The following CSGALNACT1 variants were observed in gnomAD, a reference collection of about 807,000 sequenced individuals.
CSGALNACT1 encodes the protein beta4GalNAcT-1.
In CSGALNACT1, 52 loss-of-function variants were observed where a neutral mutation model predicts 51.0. The observed-to-expected ratio is 1.02, with a 90% confidence interval of 0.82 to 1.29. The LOEUF is 1.29. Ranked by LOEUF, CSGALNACT1 falls within the 50% of genes most tolerant of loss-of-function variation. The pLI is 0.00. For synonymous variants in CSGALNACT1, 341 were observed against 254.4 expected, an observed-to-expected ratio of 1.34 and a Z score of -3.24; for missense variants, 935 against 679.2, an observed-to-expected ratio of 1.38 and a Z score of -4.19.
chr8:19,697,287 T>C (rs562290080), intron 1 of CSGALNACT1, among the ~76,000 whole-genome samples: 2 of 152,242 alleles, frequency 1.3e-5, no homozygotes, highest in Non-Finnish European at 2.9e-5. Flanking sequence ...ATGGTCTTAC[T>C]GACCCTGAAC....
chr8:19,561,241 G>C (rs2040640991), intron 3 of CSGALNACT1, among the ~76,000 whole-genome samples: 2 of 152,006 alleles, frequency 1.3e-5, no homozygotes, highest in Non-Finnish European at 2.9e-5. Flanking sequence ...TGTTATATAG[G>C]TATCTACTTT....
chr8:19,718,259 AATTTTTGT>A (rs1365044525), intron 1 of CSGALNACT1, among the ~76,000 whole-genome samples: 10 of 151,890 alleles, frequency 6.6e-5, no homozygotes, highest in Non-Finnish European at 1.3e-4. Context: ...ACACCCCTCT[AATTTTTGT>A]ATTTTTGTAT....
chr8:19,678,269 C>T (rs1044527890), intron 1 of CSGALNACT1, among the ~76,000 whole-genome samples: 2 of 152,200 alleles, frequency 1.3e-5, no homozygotes, highest in Admixed American at 6.5e-5. Flanking sequence ...AGTATCCAGA[C>T]ATCTCTGCAT....
chr8:19,644,984 T>A (rs1256428092), intron 1 of CSGALNACT1, among the ~76,000 whole-genome samples: 2 of 152,052 alleles, frequency 1.3e-5, no homozygotes, highest in Non-Finnish European at 2.9e-5. Flanking sequence ...AGAAACAAAT[T>A]TAAGAGTAAA....
intron 1 of CSGALNACT1, among the ~76,000 whole-genome samples, chr8:19,714,643 A>G (rs1019050514): frequency 1.3e-5 from 2 of 151,960 alleles, no homozygotes; most frequent in African/African-American, 2.4e-5. Flanking sequence ...TACCTTTTCT[A>G]TTAGAGCCTT....
intron 1 of CSGALNACT1, among the ~76,000 whole-genome samples, chr8:19,657,409 G>A (rs1400621094): frequency 1.3e-5 from 2 of 152,166 alleles, no homozygotes; most frequent in Non-Finnish European, 2.9e-5. Flanking sequence ...ATAATGGTTG[G>A]ATATTTTCTA....
intron 1 of CSGALNACT1, among the ~76,000 whole-genome samples, chr8:19,626,671 T>C (rs893114808): frequency 7.9e-5 from 12 of 152,152 alleles, no homozygotes; most frequent in Non-Finnish European, 1.3e-4. Context: ...GTCTGCAAAA[T>C]ACATGTCTGA....
At chr8:19,495,486 C>G (rs2153973439) in intron 4 of CSGALNACT1, among the ~76,000 whole-genome samples, 1 of 152,266 alleles carries the variant, frequency 6.6e-6, no homozygotes, top group East Asian at 1.9e-4. Context: ...AATCCATCCA[C>G]AGTTCTAACT....
At chr8:19,731,282 C>T (rs945010410) in intron 1 of CSGALNACT1, among the ~76,000 whole-genome samples, 7 of 151,978 alleles carry the variant, frequency 4.6e-5, no homozygotes, top group South Asian at 2.1e-4. Flanking sequence ...CTGAGGCAGG[C>T]GGATCACCTA....
intron 3 of CSGALNACT1, among the ~76,000 whole-genome samples, chr8:19,506,477 GC>G (rs1446735027): frequency 1.3e-5 from 2 of 152,208 alleles, no homozygotes; most frequent in African/African-American, 4.8e-5. Flanking sequence ...AGGGAGAAAA[GC>G]AAAAATGTTA....
chr8:19,563,537 T>C (rs2041253964), intron 3 of CSGALNACT1, among the ~76,000 whole-genome samples: 1 of 152,156 alleles, frequency 6.6e-6, no homozygotes, highest in Non-Finnish European at 1.5e-5. Flanking sequence ...GCCCACCCAT[T>C]GCCTCCACAT....
At chr8:19,428,295 T>C (rs983887083) in intron 6 of CSGALNACT1, among the ~76,000 whole-genome samples, 1 of 152,236 alleles carries the variant, frequency 6.6e-6, no homozygotes, top group South Asian at 2.1e-4. Context: ...AGAAGTTTAA[T>C]TGCCTCACAG....
At chr8:19,527,057 A>G (rs2081864214) in intron 3 of CSGALNACT1, among the ~76,000 whole-genome samples, 1 of 152,204 alleles carries the variant, frequency 6.6e-6, no homozygotes, top group Non-Finnish European at 1.5e-5. Context: ...ATGTAGCTAA[A>G]GACAGGTAAA....
intron 1 of CSGALNACT1, among the ~76,000 whole-genome samples, chr8:19,610,565 C>T (rs76755378): frequency 6.6e-6 from 1 of 152,098 alleles, no homozygotes; most frequent in Admixed American, 6.6e-5. Context: ...TGGACAACCA[C>T]AGGAACGCAC....
chr8:19,630,002 C>A (rs2054994575), intron 1 of CSGALNACT1, among the ~76,000 whole-genome samples: 5 of 152,142 alleles, frequency 3.3e-5, no homozygotes, highest in Admixed American at 3.3e-4. Flanking sequence ...GTCCGACATC[C>A]TAAAGATCTC....
intron 1 of CSGALNACT1, among the ~76,000 whole-genome samples, chr8:19,662,609 T>C (rs917833792): frequency 9.2e-5 from 14 of 152,192 alleles, no homozygotes; most frequent in African/African-American, 3.1e-4. Context: ...TTCTATTATT[T>C]CCTCTTTGCT....
In CSGALNACT1 at chr8:19,645,006, G is replaced by C. The variant is rs191625536; in HGVS notation, c.-544+37467C>G. Among the ~76,000 whole-genome samples, 566 of 152,154 alleles carry C rather than the reference G, an allele frequency of 3.7e-3. 2 individuals carry two copies. Among genetic ancestry groups the C allele is most frequent in the African/African-American group, 0.012 (513 of 41,518 alleles). ...AATTTAAGAGTAAAAATCCAGTTTT[G>C]ATAAAAATGAAAGGATCTATGTAAA... On this transcript the variant is annotated intron_variant, in intron 1 of 9. Coordinates refer to the CSGALNACT1 transcript ENST00000332246.
At chr8:19,425,904 C>T (rs1000244377) in intron 6 of CSGALNACT1, among the ~76,000 whole-genome samples, 2 of 152,138 alleles carry the variant, frequency 1.3e-5, no homozygotes, top group African/African-American at 4.8e-5. Flanking sequence ...AATCACCGCC[C>T]CTCCTGTGCC....
intron 1 of CSGALNACT1, among the ~76,000 whole-genome samples, chr8:19,676,931 T>C (rs1169932251): frequency 6.6e-6 from 1 of 152,072 alleles, no homozygotes; most frequent in Admixed American, 6.5e-5. Context: ...AACCAACCAA[T>C]GGATTTGACA....
Sources: allele counts gnomAD v4.1 joint callset (sites outside exome capture counted in the v4.1 genomes callset), GRCh38; gene constraint gnomAD v4.1.1; transcripts MANE v1.5; gene names NCBI Gene and HGNC (gene_info 2026-07-23, HGNC 2026-07-21).